The following MATCAP2 variants were observed in gnomAD, a reference collection of about 807,000 sequenced individuals.
MATCAP2 encodes putative tyrosine carboxypeptidase MATCAP2.
the MATCAP2 span, among the ~76,000 whole-genome samples, chr7:36,384,589 A>G: frequency 6.6e-6 from 1 of 152,250 alleles, no homozygotes; most frequent in Non-Finnish European, 1.5e-5. Context: ...ATAAACACAT[A>G]ACTAAAATAA....
chr7:36,353,644 C>T, the MATCAP2 span, among the ~76,000 whole-genome samples: 1 of 151,926 alleles, frequency 6.6e-6, no homozygotes, highest in South Asian at 2.1e-4. Flanking sequence ...CCACGCCCAG[C>T]TAATTTTTGT....
the MATCAP2 span, among the ~76,000 whole-genome samples, chr7:36,351,149 C>T: frequency 1.3e-5 from 2 of 152,196 alleles, no homozygotes; most frequent in Non-Finnish European, 2.9e-5. Context: ...GTAATCCCAG[C>T]ATTTGGGAGG....
At chr7:36,385,850 A>AATAAAATAAG in the MATCAP2 span, among the ~76,000 whole-genome samples, 22 of 147,050 alleles carry the variant, frequency 1.5e-4, no homozygotes, top group Non-Finnish European at 2.4e-4. Flanking sequence ...AATAAAATAA[A>AATAAAATAAG]ATAAGATAAA....
chr7:36,333,397 G>A, the MATCAP2 span, among the ~76,000 whole-genome samples: 1 of 152,136 alleles, frequency 6.6e-6, no homozygotes, highest in Admixed American at 6.5e-5. Flanking sequence ...AATGGGTATG[G>A]GTTTCTTTTG....
At chr7:36,390,148 G>T in the MATCAP2 span, 2 of 1,587,000 alleles carry the variant, frequency 1.3e-6, no homozygotes, top group Non-Finnish European at 1.7e-6. Flanking sequence ...CGGAGGGCGC[G>T]TGTGTGCGCG....
the MATCAP2 span, among the ~76,000 whole-genome samples, chr7:36,342,770 GC>G: frequency 2.0e-5 from 3 of 152,164 alleles, no homozygotes; most frequent in Non-Finnish European, 4.4e-5. Context: ...GACTGCAGGC[GC>G]ATGCTGCCAC....
the MATCAP2 span, among the ~76,000 whole-genome samples, chr7:36,351,665 G>C: frequency 6.6e-6 from 1 of 151,976 alleles, no homozygotes; most frequent in African/African-American, 2.4e-5. Flanking sequence ...AAAAATTTAG[G>C]GCCAGGTGTC....
At chr7:36,382,035 G>A in the MATCAP2 span, among the ~76,000 whole-genome samples, 32 of 152,066 alleles carry the variant, frequency 2.1e-4, no homozygotes, top group Non-Finnish European at 4.3e-4. Context: ...GCTTATGCCT[G>A]TAATCTCAGC....
At chr7:36,356,907 T>G in the MATCAP2 span, 149 of 1,613,916 alleles carry the variant, frequency 9.2e-5, no homozygotes, top group Non-Finnish European at 1.1e-4. Context: ...TTTACCTGCT[T>G]AAGAAATCGG....
the MATCAP2 span, among the ~76,000 whole-genome samples, chr7:36,381,883 C>G: frequency 6.6e-6 from 1 of 151,964 alleles, no homozygotes; most frequent in East Asian, 1.9e-4. Context: ...TAAATGAACC[C>G]TGGGTCTGGA....
At chr7:36,366,263 T>C in the MATCAP2 span, among the ~76,000 whole-genome samples, 2 of 152,180 alleles carry the variant, frequency 1.3e-5, no homozygotes, top group Admixed American at 1.3e-4. Context: ...TATGTAAGGT[T>C]TTTTTTAATA....
chr7:36,353,100 C>G, the MATCAP2 span, among the ~76,000 whole-genome samples: 2 of 152,044 alleles, frequency 1.3e-5, no homozygotes, highest in Admixed American at 6.6e-5. Context: ...GAGACCCCCC[C>G]ACCTATCCAA....
the MATCAP2 span, among the ~76,000 whole-genome samples, chr7:36,386,531 G>A: frequency 6.6e-6 from 1 of 151,114 alleles, no homozygotes; most frequent in Non-Finnish European, 1.5e-5. Context: ...AAAAAGACAA[G>A]CCACAAACCA....
chr7:36,331,857 T>A, the MATCAP2 span, among the ~76,000 whole-genome samples: 7 of 152,212 alleles, frequency 4.6e-5, no homozygotes, highest in African/African-American at 1.7e-4. Context: ...TATTAAGGAA[T>A]TATTGTTAAT....
chr7:36,368,066 A>C, the MATCAP2 span: 2 of 152,264 alleles, frequency 1.3e-5, no homozygotes, highest in Non-Finnish European at 2.9e-5. Context: ...TAAAAAAAAA[A>C]AAAAAGTACG....
At chr7:36,373,972 C>T in the MATCAP2 span, among the ~76,000 whole-genome samples, 1 of 152,076 alleles carries the variant, frequency 6.6e-6, no homozygotes, top group African/African-American at 2.4e-5. Context: ...CAGGGTTTCA[C>T]CTTGTTAGCC....
the MATCAP2 span, chr7:36,368,411 G>A: frequency 6.6e-6 from 1 of 152,176 alleles, no homozygotes; most frequent in African/African-American, 2.4e-5. Context: ...AGAGAACAAT[G>A]GAAATGTAAC....
At chr7:36,347,854 C>T in the MATCAP2 span, among the ~76,000 whole-genome samples, 9 of 152,258 alleles carry the variant, frequency 5.9e-5, no homozygotes, top group South Asian at 8.3e-4. Context: ...AACTTCCCCC[C>T]CAAACAGAAT....
chr7:36,363,854 G>C, the MATCAP2 span, among the ~76,000 whole-genome samples: 1 of 152,246 alleles, frequency 6.6e-6, no homozygotes, highest in Non-Finnish European at 1.5e-5. Context: ...TAGGTAAGCA[G>C]CCTTTGTTAA....
Sources: allele counts gnomAD v4.1 joint callset (sites outside exome capture counted in the v4.1 genomes callset), GRCh38; gene constraint gnomAD v4.1.1; transcripts MANE v1.5; gene names NCBI Gene and HGNC (gene_info 2026-07-23, HGNC 2026-07-21).